The following PLEKHA6 variants were observed in gnomAD, a reference collection of about 807,000 sequenced individuals.
The protein encoded by PLEKHA6 is pleckstrin homology domain-containing family A member 6.
PLEKHA6 carries 60 observed loss-of-function variants against 116.7 expected under a neutral mutation model. That is an observed-to-expected ratio of 0.51 (90% CI 0.42 to 0.64). The LOEUF (loss-of-function observed/expected upper bound fraction) is 0.64. Among genes scored for constraint, PLEKHA6 ranks in the 30% least tolerant of loss-of-function variants. PLEKHA6 has a pLI of 0.00. For missense variants in PLEKHA6, 1,338 were observed against 1,422.7 expected (o/e 0.94, Z 0.96); for synonymous variants, 489 against 556.1 (o/e 0.88, Z 1.70).
At chr1:204,326,882 C>T (rs2103251187) in intron 1 of PLEKHA6, 2 of 611,384 alleles carry the variant, frequency 3.3e-6, no homozygotes, top group South Asian at 7.2e-5. Context: ...TAGCTCCCTC[C>T]TTCCTATATG....
intron 1 of PLEKHA6, among the ~76,000 whole-genome samples, chr1:204,325,245 G>A (rs998019638): frequency 5.9e-5 from 9 of 152,106 alleles, no homozygotes; most frequent in Admixed American, 2.0e-4. Context: ...AGCTCTCTGG[G>A]GTCAGCCCAT....
intron 5 of PLEKHA6, among the ~76,000 whole-genome samples, chr1:204,266,457 T>A (rs1443987304): frequency 6.6e-6 from 1 of 152,134 alleles, no homozygotes; most frequent in Admixed American, 6.5e-5. Context: ...CCAGTTTCAT[T>A]CCCACTCTGG....
At chr1:204,307,925 G>A in intron 1 of PLEKHA6, 3 of 982,108 alleles carry the variant, frequency 3.1e-6, no homozygotes, top group Non-Finnish European at 3.6e-6. Context: ...TGCAGCTTAA[G>A]AGCAGAGATT....
In PLEKHA6 at chr1:204,332,060, C is replaced by T. The variant is rs376114241; in HGVS notation, c.-95+27634G>A. Among the ~76,000 whole-genome samples, 272 of 152,330 alleles carry T rather than the reference C, an allele frequency of 1.8e-3. 6 individuals are homozygous for T. In the South Asian group the frequency reaches 0.052, roughly 29 times the overall value. On this transcript the variant is annotated intron_variant, in intron 1 of 22. Coordinates refer to ENST00000272203, the MANE Select transcript of PLEKHA6 (RefSeq NM_014935.5). Reference sequence around the variant, plus strand: ...GAAGAGAGACAAGTGGACTAATCCACCTGCCTCCTGAGGGGCGGAGTGCTG... The same window carrying T: ...GAAGAGAGACAAGTGGACTAATCCATCTGCCTCCTGAGGGGCGGAGTGCTG...
At chr1:204,274,931 G>T in intron 1 of PLEKHA6, 122 bp from the exon 2 acceptor site, 1 of 973,496 alleles carries the variant, frequency 1.0e-6, no homozygotes, top group Non-Finnish European at 1.2e-6. Context: ...TTGTGCCTCT[G>T]TCCTCCAGGG....
upstream of PLEKHA6, among the ~76,000 whole-genome samples, chr1:204,361,835 G>A (rs1673567011): frequency 6.6e-6 from 1 of 152,240 alleles, no homozygotes. Context: ...GCCAGTGGAG[G>A]AAAGGAGTGG....
At chr1:204,343,834 A>C (rs1672933139) in intron 1 of PLEKHA6, among the ~76,000 whole-genome samples, 1 of 152,226 alleles carries the variant, frequency 6.6e-6, no homozygotes, top group African/African-American at 2.4e-5. Flanking sequence ...ATTACTTTCA[A>C]GGCTGAGATT....
At chr1:204,229,695 A>C (rs2102424455) in intron 18 of PLEKHA6, among the ~76,000 whole-genome samples, 1 of 152,346 alleles carries the variant, frequency 6.6e-6, no homozygotes, top group East Asian at 1.9e-4. Flanking sequence ...GATTACATGC[A>C]TGAGGAGCCA....
rs572508599 is a variant in PLEKHA6, at chr1:204,265,017, G to T, written c.306C>A (p.Gly102=). ...CCCGGAAGCTCAGGAGGGGGATGCT[G>T]CCCAGGATACTCTCTTCCTTCTCAT... is the stretch of plus-strand genomic sequence containing the variant. ...YKDEKEESIL[G]SIPLLSFRVA... The change falls in exon 6 of 23, where the codon GGC becomes GGA. Residue 102 remains glycine, a synonymous_variant. Coordinates refer to ENST00000272203, the MANE Select transcript of PLEKHA6 (RefSeq NM_014935.5). The T allele has an allele frequency of 3.7e-6, 6 of 1,613,752 alleles. No homozygotes were observed. The East Asian group carries it at 8.9e-5, about 24-fold the overall frequency.
chr1:204,328,663 G>A (rs562876936), intron 1 of PLEKHA6, among the ~76,000 whole-genome samples: 47 of 152,300 alleles, frequency 3.1e-4, no homozygotes, highest in African/African-American at 8.9e-4. Flanking sequence ...TGGGATTACC[G>A]GCTTGAGCCA....
intron 1 of PLEKHA6, among the ~76,000 whole-genome samples, chr1:204,315,274 C>T (rs987286580): frequency 1.3e-5 from 2 of 152,078 alleles, no homozygotes; most frequent in African/African-American, 4.8e-5. Flanking sequence ...CAGTGGTTAC[C>T]CCTCCCCTGC....
At chr1:204,271,539 C>T (rs979331978) in intron 3 of PLEKHA6, among the ~76,000 whole-genome samples, 1 of 152,240 alleles carries the variant, frequency 6.6e-6, no homozygotes, top group South Asian at 2.1e-4. Flanking sequence ...TCTCTAAATC[C>T]TTCCCTTTTC....
intron 1 of PLEKHA6, among the ~76,000 whole-genome samples, chr1:204,308,687 CTTTTT>C (rs60251937): frequency 2.6e-4 from 21 of 81,404 alleles, no homozygotes; most frequent in Admixed American, 5.3e-4. Flanking sequence ...TTTTCTTTTT[CTTTTT>C]TTTTTTTTTT....
intron 10 of PLEKHA6, among the ~76,000 whole-genome samples, chr1:204,250,129 C>G (rs9988464): frequency 0.69 from 104,934 of 152,106 alleles, 36,463 homozygotes; most frequent in East Asian, 0.82. Flanking sequence ...CTCCCTGAAG[C>G]CAGGGGCATA....
chr1:204,298,112 C>T (rs753289425), intron 1 of PLEKHA6, among the ~76,000 whole-genome samples: 3 of 152,214 alleles, frequency 2.0e-5, no homozygotes, highest in Admixed American at 1.3e-4. Flanking sequence ...GGGTTCACTT[C>T]GATGAAGAGC....
chr1:204,263,207 A>T (rs1411052089), intron 6 of PLEKHA6, among the ~76,000 whole-genome samples: 1 of 152,224 alleles, frequency 6.6e-6, no homozygotes, highest in African/African-American at 2.4e-5. Context: ...AGGGCCTGGG[A>T]AAAGACAGGG....
In PLEKHA6 at chr1:204,228,225, C is replaced by A; in HGVS notation, c.2889G>T (p.Met963Ile). The A allele has an allele frequency of 6.2e-7, 1 of 1,600,460 alleles. No homozygotes were observed. The highest frequency in any genetic ancestry group is 1.1e-5 in the South Asian group (1 of 89,246). ...RIKTLIAKSS[M>I]QNVVPIGEGD... ...CCTCGCCGATGGGCACCACGTTCTGCATACTGAAGAGGCACAGACACACAG... is the reference window on the plus strand; with the variant it reads ...CCTCGCCGATGGGCACCACGTTCTGAATACTGAAGAGGCACAGACACACAG... The change falls in exon 21 of 23, where the codon ATG (methionine) becomes ATT (isoleucine). Residue 963 changes from methionine to isoleucine, a missense_variant. Physicochemically the swap from Met to Ile is conservative, Grantham distance 10. Around this residue, in one of 3 missense-constraint regions of PLEKHA6, gnomAD observed 1,136 missense variants for 1,163.6 expected, o/e 0.98. Coordinates refer to ENST00000272203, the MANE Select transcript of PLEKHA6 (RefSeq NM_014935.5). The surrounding 1 kb of genome is among the most constrained non-coding windows in gnomAD (Gnocchi z 4.0).
intron 1 of PLEKHA6, among the ~76,000 whole-genome samples, chr1:204,276,742 TCCCAGC>T (rs1183563269): frequency 2.0e-5 from 3 of 151,774 alleles, no homozygotes; most frequent in South Asian, 4.2e-4. Flanking sequence ...GGCACATCTC[TCCCAGC>T]CCCAGACTTT....
chr1:204,255,789 C>A, intron 9 of PLEKHA6: 1 of 667,778 alleles, frequency 1.5e-6, no homozygotes, highest in South Asian at 1.7e-5. Context: ...GCGACAAGGA[C>A]AAGGAGAGGC....
Sources: allele counts gnomAD v4.1 joint callset (sites outside exome capture counted in the v4.1 genomes callset), GRCh38; gene constraint gnomAD v4.1.1; regional missense constraint gnomAD v4.1.1; non-coding constraint Gnocchi (gnomAD v3.1); transcripts MANE v1.5; gene names NCBI Gene and HGNC (gene_info 2026-07-23, HGNC 2026-07-21).